Variants in F11 observed in about 807,000 individuals in gnomAD.
F11 encodes coagulation factor XI.
In F11, 78 loss-of-function variants were observed where a neutral mutation model predicts 76.5. The ratio of observed to expected loss-of-function variants is 1.02; its 90% confidence interval spans 0.85 to 1.23. The LOEUF (loss-of-function observed/expected upper bound fraction) is 1.23, where lower values mean the gene tolerates loss of function less well. Among genes scored for constraint, F11 ranks in the 50% most tolerant of loss-of-function variants. The pLI, the probability that F11 is intolerant of heterozygous loss-of-function variation, is 0.00. For synonymous variants in F11, 278 were observed against 276.3 expected (o/e 1.01, Z -0.06); for missense variants, 742 against 771.4 (o/e 0.96, Z 0.45).
At chr4:186,286,834 T>A in intron 13 of F11, 2 of 498,420 alleles carry the variant, frequency 4.0e-6, no homozygotes, top group Non-Finnish European at 2.6e-6. Flanking sequence ...GAGTCATAAT[T>A]AATTTTTGAA....
chr4:186,286,253 A>T (rs977398063), intron 12 of F11, 162 bp from the exon 13 acceptor site: 4 of 681,920 alleles, frequency 5.9e-6, no homozygotes, highest in Non-Finnish European at 7.7e-6. Context: ...CACATGTGCG[A>T]TATCGTGCTG....
chr4:186,277,797 T>TTTTA (rs909219062), intron 7 of F11, among the ~76,000 whole-genome samples: 5 of 152,168 alleles, frequency 3.3e-5, no homozygotes, highest in African/African-American at 4.8e-5. Flanking sequence ...GCTGTCCCTC[T>TTTTA]TTTATTTATT....
At chr4:186,267,025 T>C in intron 1 of F11, 111 bp from the exon 2 acceptor site, 1 of 746,646 alleles carries the variant, frequency 1.3e-6, no homozygotes, top group Non-Finnish European at 2.4e-6. Context: ...GTGAATGCTA[T>C]TGAATTAACT....
chr4:186,268,599 A>G (rs116688782), intron 2 of F11, among the ~76,000 whole-genome samples: 44 of 152,308 alleles, frequency 2.9e-4, no homozygotes, highest in African/African-American at 1.0e-3. Context: ...TTGAAAATTG[A>G]GTATTTATAA....
intron 13 of F11, chr4:186,286,851 T>A: frequency 3.2e-6 from 1 of 315,740 alleles, no homozygotes; most frequent in Non-Finnish European, 4.6e-6. Context: ...TGAACTTAAT[T>A]AACATTAACA....
intron 2 of F11, among the ~76,000 whole-genome samples, chr4:186,269,515 G>A (rs1460628939): frequency 6.6e-6 from 1 of 152,212 alleles, no homozygotes; most frequent in East Asian, 1.9e-4. Flanking sequence ...AAATACTGTG[G>A]GATCTCACTG....
chr4:186,282,065 C>T (rs1740850452), intron 10 of F11: 1 of 1,238,238 alleles, frequency 8.1e-7, no homozygotes, highest in Non-Finnish European at 1.1e-6. Context: ...GAGCATTCGG[C>T]ACCATTCTGT....
intron 10 of F11, chr4:186,282,999 T>C (rs1580095849): frequency 5.1e-6 from 5 of 985,370 alleles, no homozygotes; most frequent in Non-Finnish European, 6.0e-6. Flanking sequence ...TTCTGTTAAC[T>C]TAGACTCCTC....
intron 2 of F11, among the ~76,000 whole-genome samples, chr4:186,268,303 A>G (rs1447493079): frequency 6.6e-6 from 1 of 152,186 alleles, no homozygotes; most frequent in African/African-American, 2.4e-5. Context: ...AGTAGGTTAT[A>G]TGTAAATACT....
At chr4:186,274,386 C>A in intron 5 of F11, 111 bp downstream of exon 5, 1 of 1,369,804 alleles carries the variant, frequency 7.3e-7, no homozygotes, top group Non-Finnish European at 1.0e-6. Context: ...CCCTAAAAGA[C>A]ATTTCTATAA....
chr4:186,282,196 A>G (rs1740858844), intron 10 of F11: 3 of 1,061,552 alleles, frequency 2.8e-6, no homozygotes, highest in Non-Finnish European at 3.5e-6. Context: ...TGCAGACTGC[A>G]TTTTCCCCCT....
At chr4:186,273,287 C>A (rs961048413) in intron 4 of F11, 110 bp downstream of exon 4, 1 of 867,152 alleles carries the variant, frequency 1.2e-6, no homozygotes, top group Non-Finnish European at 1.9e-6. Context: ...GGAAATAAAC[C>A]CCCTTAATGA....
rs540985136 is a variant in F11, at chr4:186,280,128, T to C, written c.865+7T>C. On this transcript the variant is annotated splice_region_variant and intron_variant, in intron 8 of 14. Coordinates refer to ENST00000403665, the MANE Select transcript of F11 (RefSeq NM_000128.4). ...TGCAGGCACAGCATCCCAGGTAAAC[T>C]GAGAGTTCTGCATTCTGGCTGAGAG... 5 of 1,613,692 alleles carry C rather than the reference T, an allele frequency of 3.1e-6. No individual in the cohort carries two copies. The South Asian group carries it at 4.4e-5, about 14-fold the overall frequency.
chr4:186,288,667 G>C lies in F11; in HGVS notation c.*53G>C. 1 of 1,570,106 alleles carries C rather than the reference G, an allele frequency of 6.4e-7. No homozygotes were observed. The highest frequency in any genetic ancestry group is 1.9e-5 in the Admixed American group (1 of 53,716). ...CTGAAGGACCCAGGATTTGCTGGGA[G>C]AGGGTGTTGAGTTCACTGTGCCAGC... On this transcript the variant is annotated 3_prime_UTR_variant, in exon 15 of 15. Coordinates refer to ENST00000403665, the MANE Select transcript of F11 (RefSeq NM_000128.4).
intron 10 of F11, chr4:186,281,913 C>T: frequency 7.9e-7 from 1 of 1,262,826 alleles, no homozygotes; most frequent in Non-Finnish European, 1.0e-6. Flanking sequence ...GGTATCCTAA[C>T]TAACAGACTA....
intron 7 of F11, among the ~76,000 whole-genome samples, chr4:186,277,912 G>A (rs1056460711): frequency 6.6e-6 from 1 of 152,072 alleles, no homozygotes; most frequent in Non-Finnish European, 1.5e-5. Context: ...CAATCCACCC[G>A]TCTCATCCTC....
In F11 at chr4:186,274,207, A is replaced by G; in HGVS notation, c.417A>G (p.Arg139=). 6.2e-7 allele frequency: 1 copy of G among 1,614,242 alleles called. No individual in the cohort carries two copies. The highest frequency in any genetic ancestry group is 8.5e-7 in the Non-Finnish European group (1 of 1,180,044). The stretch of plus-strand genomic sequence containing the variant: ...AGAGTGCTCAAGAATGCCAAGAAAG[A>G]TGCACGGATGACGTCCACTGCCACT... ...VAKSAQECQE[R]CTDDVHCHFF... is the part of the protein sequence containing the mutation. The change falls in exon 5 of 15, where the codon AGA becomes AGG. Residue 139 remains arginine, a synonymous_variant. Transcript: ENST00000403665.
rs1039926676 is a variant in F11 at position 186,280,366 on chromosome 4, G to A, written c.1009G>A (p.Ala337Thr). The A allele has an allele frequency of 3.7e-6, 6 of 1,614,034 alleles. No individual in the cohort carries two copies. In the South Asian group the frequency reaches 4.4e-5, roughly 12 times the overall value. ...CQFFTYTPAQ[A>T]SCNEGKGKCY... ...GTTTTTTACCTATACCCCAGCCCAA[G>A]CATCCTGCAACGAAGGGAAGTAAGC... The change falls in exon 9 of 15, where the codon GCA (alanine) becomes ACA (threonine). Residue 337 changes from alanine to threonine, a missense_variant. By Grantham distance (58) the Ala-to-Thr change is moderately conservative (BLOSUM62 0). Transcript: ENST00000403665.
chr4:186,282,353 A>G (rs1263140266), intron 10 of F11: 1 of 985,294 alleles, frequency 1.0e-6, no homozygotes, highest in Non-Finnish European at 1.2e-6. Context: ...GCAACTTTGG[A>G]GGGAGTGAAT....
Sources: gnomAD v4.1 joint callset for allele counts (sites outside exome capture counted in the v4.1 genomes callset) on GRCh38, gnomAD v4.1.1 for gene constraint, MANE v1.5 for transcripts, NCBI Gene and HGNC (gene_info 2026-07-23, HGNC 2026-07-21) for gene names.